The following CDKL2 variants were observed in gnomAD, a reference collection of about 807,000 sequenced individuals.
CDKL2 encodes the protein cyclin-dependent kinase-like 2.
Under a neutral mutation model 63.9 loss-of-function variants are expected in CDKL2, and 64 were observed. That is an observed-to-expected ratio of 1.00 (90% CI 0.82 to 1.23). The LOEUF is 1.23. Among genes scored for constraint, CDKL2 ranks in the 50% most tolerant of loss-of-function variants. The probability of loss-of-function intolerance (pLI) is 0.00; values close to 1 mark genes in which losing one functional copy is unlikely to be tolerated. For missense variants in CDKL2, 656 were observed against 668.0 expected (o/e 0.98, Z 0.20); for synonymous variants, 211 against 229.2 (o/e 0.92, Z 0.72).
intron 10 of CDKL2, 155 bp downstream of exon 10, chr4:75,596,092 G>A (rs1728919408): frequency 2.3e-6 from 1 of 433,618 alleles, no homozygotes. Context: ...TCACGTTTAT[G>A]ACTATGATGG....
chr4:75,604,065 TGG>T, intron 5 of CDKL2, 109 bp from the exon 6 acceptor site: 1 of 1,057,002 alleles, frequency 9.5e-7, no homozygotes, highest in East Asian at 2.5e-5. Context: ...TTATGGAGTT[TGG>T]GGCTCTCTCA....
chr4:75,626,494 G>A (rs1051118689), intron 1 of CDKL2, among the ~76,000 whole-genome samples: 5 of 152,048 alleles, frequency 3.3e-5, no homozygotes, highest in African/African-American at 9.7e-5. Context: ...GTGAAACCCC[G>A]TCTCTACTAA....
intron 3 of CDKL2, 25 bp from the exon 4 acceptor site, chr4:75,607,386 G>A (rs762947975): frequency 6.3e-7 from 1 of 1,579,932 alleles, no homozygotes; most frequent in East Asian, 2.2e-5. Flanking sequence ...GAGTGTGACG[G>A]ATGTTAAATA....
intron 3 of CDKL2, among the ~76,000 whole-genome samples, chr4:75,612,741 C>T (rs1231740613): frequency 1.3e-5 from 2 of 152,220 alleles, no homozygotes; most frequent in Admixed American, 6.5e-5. Context: ...TCTCTCTTTG[C>T]AATTTACTAA....
At chr4:75,608,589 C>G (rs537998565) in intron 3 of CDKL2, among the ~76,000 whole-genome samples, 2 of 152,114 alleles carry the variant, frequency 1.3e-5, no homozygotes, top group East Asian at 1.9e-4. Flanking sequence ...GAGAGAAAGA[C>G]GAGAGGCAGG....
At chr4:75,603,767 G>GC (rs771122643) in intron 6 of CDKL2, 50 bp downstream of exon 6, 1 of 643,684 alleles carries the variant, frequency 1.6e-6, no homozygotes, top group South Asian at 1.9e-5. Context: ...AAAAGGTCTT[G>GC]ATAGTGCATA....
chr4:75,590,526 C>A (rs1399173669), intron 12 of CDKL2, among the ~76,000 whole-genome samples: 1 of 152,066 alleles, frequency 6.6e-6, no homozygotes, highest in Non-Finnish European at 1.5e-5. Flanking sequence ...ACCAGCCTGG[C>A]CAACATGGTG....
chr4:75,592,919 A>G (rs889433976), intron 10 of CDKL2, among the ~76,000 whole-genome samples: 13 of 152,202 alleles, frequency 8.5e-5, no homozygotes, highest in African/African-American at 3.1e-4. Flanking sequence ...GCAGCACTTC[A>G]ATTCTGCATC....
At chr4:75,588,912 G>A in intron 12 of CDKL2, among the ~76,000 whole-genome samples, 1 of 151,108 alleles carries the variant, frequency 6.6e-6, no homozygotes, top group East Asian at 1.9e-4. Context: ...AGAATGATGA[G>A]GACTTGTCAA....
At chr4:75,580,387 C>T (rs1728208354) in intron 13 of CDKL2, among the ~76,000 whole-genome samples, 1 of 152,044 alleles carries the variant, frequency 6.6e-6, no homozygotes, top group African/African-American at 2.4e-5. Flanking sequence ...TCTGATTGGC[C>T]AGACATGGTG....
At chr4:75,604,268 C>G (rs146108607) in intron 5 of CDKL2, among the ~76,000 whole-genome samples, 2 of 152,312 alleles carry the variant, frequency 1.3e-5, no homozygotes, top group East Asian at 1.9e-4. Context: ...TGGACAGGAT[C>G]TAATCTAGAT....
chr4:75,623,288 C>T (rs1439123508), intron 2 of CDKL2, among the ~76,000 whole-genome samples: 4 of 151,860 alleles, frequency 2.6e-5, no homozygotes, highest in African/African-American at 9.7e-5. Flanking sequence ...CAAAAAAAAA[C>T]CTACTAACTA....
chr4:75,597,424 T>C (rs1295668947), intron 8 of CDKL2, among the ~76,000 whole-genome samples, 188 bp from the exon 9 acceptor site: 2 of 151,714 alleles, frequency 1.3e-5, no homozygotes, highest in African/African-American at 4.8e-5. Context: ...ATTGGGAAAA[T>C]ACAAAAAGAA....
At chr4:75,594,897 C>G (rs1314315155) in intron 10 of CDKL2, among the ~76,000 whole-genome samples, 1 of 152,014 alleles carries the variant, frequency 6.6e-6, no homozygotes, top group South Asian at 2.1e-4. Context: ...ATCCTGCAGG[C>G]ACTTATAGAC....
intron 12 of CDKL2, among the ~76,000 whole-genome samples, chr4:75,583,432 A>T (rs1286482927): frequency 6.6e-6 from 1 of 152,220 alleles, no homozygotes; most frequent in Non-Finnish European, 1.5e-5. Context: ...TGCATTCCAA[A>T]ATCACTTTGT....
intron 6 of CDKL2, 79 bp from the exon 7 acceptor site, chr4:75,600,448 C>T (rs957200562): frequency 1.0e-6 from 1 of 970,896 alleles, no homozygotes; most frequent in Non-Finnish European, 1.5e-6. Flanking sequence ...AAAAAAAATC[C>T]TCTTTATAGT....
At chr4:75,600,632 G>A (rs1729148020) in intron 6 of CDKL2, among the ~76,000 whole-genome samples, 1 of 151,908 alleles carries the variant, frequency 6.6e-6, no homozygotes, top group South Asian at 2.1e-4. Context: ...GCTAATTTTT[G>A]TATTTTTTGT....
intron 2 of CDKL2, among the ~76,000 whole-genome samples, chr4:75,616,526 G>A (rs1376091302): frequency 3.3e-5 from 5 of 151,608 alleles, no homozygotes; most frequent in Admixed American, 6.6e-5. Context: ...TTACCCAGGC[G>A]TGGTGGCATG....
intron 12 of CDKL2, among the ~76,000 whole-genome samples, chr4:75,591,099 T>C (rs1344489000): frequency 6.6e-6 from 1 of 152,176 alleles, no homozygotes; most frequent in East Asian, 1.9e-4. Flanking sequence ...ATAAAATGGA[T>C]TGTCTTGGTG....
Sources: allele counts gnomAD v4.1 joint callset (sites outside exome capture counted in the v4.1 genomes callset), GRCh38; gene constraint gnomAD v4.1.1; transcripts MANE v1.5; gene names NCBI Gene and HGNC (gene_info 2026-07-23, HGNC 2026-07-21).